Variants in RAP1GDS1 observed in about 807,000 individuals in gnomAD.
The protein encoded by RAP1GDS1 is RAP1, GTP-GDP dissociation stimulator 1.
A neutral mutation model predicts 71.1 loss-of-function variants in RAP1GDS1; 35 were observed. The observed-to-expected ratio is 0.49, with a 90% CI of 0.38 to 0.65. The LOEUF is 0.65. Among genes scored for constraint, RAP1GDS1 ranks in the 30% least tolerant of loss-of-function variants. The pLI is 0.00. For synonymous variants in RAP1GDS1, 229 were observed against 243.1 expected, an observed-to-expected ratio of 0.94 and a Z score of 0.54; for missense variants, 663 against 706.1, an observed-to-expected ratio of 0.94 and a Z score of 0.69.
chr4:98,398,239 G>GAGAT lies in RAP1GDS1; in HGVS notation c.637+6163_637+6166dup, dbSNP rs1744840514. Reference sequence around the variant, plus strand: ...TGTACGAGTAAAGGAAAAAAAAAAGGAGATAGAAAATAAAAGAGAAAATAT... The same window carrying GAGAT: ...TGTACGAGTAAAGGAAAAAAAAAAGGAGATAGATAGAAAATAAAAGAGAAAATAT... On this transcript the variant is annotated intron_variant, in intron 6 of 14. Coordinates refer to ENST00000408927, the MANE Select transcript of RAP1GDS1 (RefSeq NM_001100427.2). 2.6e-5 allele frequency among the ~76,000 whole-genome samples: 4 copies of GAGAT among 151,732 alleles called. No individual in the cohort carries two copies. In the South Asian group the frequency reaches 8.3e-4, roughly 32 times the overall value.
chr4:98,410,094 C>G (rs1471556857), intron 7 of RAP1GDS1, among the ~76,000 whole-genome samples: 2 of 152,028 alleles, frequency 1.3e-5, no homozygotes, highest in African/African-American at 4.8e-5. Context: ...CATAGTGAGG[C>G]CTCATCTCTA....
chr4:98,400,530 A>G (rs1175862631), intron 6 of RAP1GDS1, among the ~76,000 whole-genome samples: 1 of 142,434 alleles, frequency 7.0e-6, no homozygotes, highest in Non-Finnish European at 1.6e-5. Context: ...TATAGAAGTA[A>G]AAAAAAAAAA....
intron 2 of RAP1GDS1, among the ~76,000 whole-genome samples, chr4:98,319,312 G>A (rs768821995): frequency 1.3e-5 from 2 of 152,020 alleles, no homozygotes; most frequent in Non-Finnish European, 2.9e-5. Context: ...TATGTGTAAT[G>A]GTGATAATAT....
chr4:98,304,990 T>C (rs566330867), intron 2 of RAP1GDS1, among the ~76,000 whole-genome samples: 2 of 152,266 alleles, frequency 1.3e-5, no homozygotes, highest in South Asian at 2.1e-4. Context: ...ATGTGTGGTC[T>C]TATTTCTGAG....
chr4:98,295,899 A>G (rs140539158), intron 2 of RAP1GDS1, among the ~76,000 whole-genome samples: 50 of 152,152 alleles, frequency 3.3e-4, no homozygotes, highest in African/African-American at 1.2e-3. Flanking sequence ...AGAAAAAGTA[A>G]AATATATTAG....
chr4:98,287,251 A>G (rs1184403012), intron 1 of RAP1GDS1, among the ~76,000 whole-genome samples: 3 of 152,228 alleles, frequency 2.0e-5, no homozygotes, highest in African/African-American at 7.2e-5. Context: ...TGAAAAATAC[A>G]GAAAAAATAA....
intron 13 of RAP1GDS1, among the ~76,000 whole-genome samples, chr4:98,436,081 T>A (rs76126167): frequency 0.073 from 9,404 of 128,408 alleles, 306 homozygotes; most frequent in African/African-American, 0.13. Flanking sequence ...AAAAAAAAAA[T>A]ATATATATAT....
intron 3 of RAP1GDS1, among the ~76,000 whole-genome samples, chr4:98,348,439 G>A (rs912324013): frequency 1.3e-5 from 2 of 152,198 alleles, no homozygotes; most frequent in Non-Finnish European, 2.9e-5. Context: ...GTGTGCATGT[G>A]TCTTTATAGC....
intron 1 of RAP1GDS1, among the ~76,000 whole-genome samples, chr4:98,268,638 A>G (rs1723018826): frequency 6.6e-6 from 1 of 152,174 alleles, no homozygotes; most frequent in Admixed American, 6.5e-5. Flanking sequence ...ATACAAAATC[A>G]GCATAGAAAA....
intron 2 of RAP1GDS1, among the ~76,000 whole-genome samples, chr4:98,313,559 T>C (rs1328761200): frequency 6.6e-6 from 1 of 152,074 alleles, no homozygotes; most frequent in African/African-American, 2.4e-5. Context: ...GAAGCTACAG[T>C]TGGGCCTGGT....
chr4:98,303,672 G>T (rs1163957817), intron 2 of RAP1GDS1, among the ~76,000 whole-genome samples: 1 of 118,526 alleles, frequency 8.4e-6, no homozygotes, highest in African/African-American at 3.1e-5. Context: ...TATAATTGGG[G>T]TATTCAGTAT....
At chr4:98,342,252 C>T (rs562109103) in intron 2 of RAP1GDS1, among the ~76,000 whole-genome samples, 1 of 152,214 alleles carries the variant, frequency 6.6e-6, no homozygotes, top group Non-Finnish European at 1.5e-5. Context: ...TTAGGGTTCT[C>T]TATTATTTGT....
intron 12 of RAP1GDS1, among the ~76,000 whole-genome samples, chr4:98,422,384 ATTTTT>A (rs1359778592): frequency 6.6e-6 from 1 of 151,630 alleles, no homozygotes; most frequent in Non-Finnish European, 1.5e-5. Context: ...CACTCGGCTA[ATTTTT>A]GTATTTTTAG....
intron 4 of RAP1GDS1, among the ~76,000 whole-genome samples, chr4:98,354,968 A>C (rs994163152): frequency 2.6e-5 from 4 of 152,194 alleles, no homozygotes; most frequent in Non-Finnish European, 5.9e-5. Flanking sequence ...CATAGACTGC[A>C]TGCTTTCTTA....
chr4:98,332,766 G>A (rs1338601780), intron 2 of RAP1GDS1, among the ~76,000 whole-genome samples: 7 of 152,160 alleles, frequency 4.6e-5, no homozygotes, highest in Non-Finnish European at 1.0e-4. Flanking sequence ...CAAAATCTCA[G>A]TACTTCCAAG....
chr4:98,410,034 G>C (rs1230222283), intron 7 of RAP1GDS1, among the ~76,000 whole-genome samples: 1 of 152,050 alleles, frequency 6.6e-6, no homozygotes, highest in East Asian at 1.9e-4. Flanking sequence ...GCTTTGGGAG[G>C]GCAAGACGAG....
chr4:98,284,396 T>C (rs1037155168), intron 1 of RAP1GDS1, among the ~76,000 whole-genome samples: 6 of 152,098 alleles, frequency 3.9e-5, no homozygotes, highest in African/African-American at 1.4e-4. Flanking sequence ...AATTTCCATT[T>C]CCAAAGCTAA....
chr4:98,304,632 A>G (rs1255221587), intron 2 of RAP1GDS1, among the ~76,000 whole-genome samples: 1 of 152,034 alleles, frequency 6.6e-6, no homozygotes, highest in Non-Finnish European at 1.5e-5. Flanking sequence ...ATGTTTTCCC[A>G]TTCTGTAGGT....
At chr4:98,262,476 C>T (rs1722158908) in intron 1 of RAP1GDS1, among the ~76,000 whole-genome samples, 1 of 152,174 alleles carries the variant, frequency 6.6e-6, no homozygotes, top group Non-Finnish European at 1.5e-5. Context: ...AATTTTTTTA[C>T]ATCATCTATT....
Sources: gnomAD v4.1 joint callset for allele counts (sites outside exome capture counted in the v4.1 genomes callset) on GRCh38, gnomAD v4.1.1 for gene constraint, MANE v1.5 for transcripts, NCBI Gene and HGNC (gene_info 2026-07-23, HGNC 2026-07-21) for gene names.